The following CSTF3 variants were observed in gnomAD, a reference collection of about 807,000 sequenced individuals.
CSTF3 encodes CF-1 77 kDa subunit.
In CSTF3, 29 loss-of-function variants were observed where a neutral mutation model predicts 105.8. That is an observed-to-expected ratio of 0.27 (90% confidence interval 0.20 to 0.37). CSTF3 has a LOEUF of 0.37. CSTF3 is among the 10% of genes least tolerant of loss of function. The pLI is 1.00. For synonymous variants in CSTF3, 252 were observed against 281.9 expected (o/e 0.89, Z 1.06); for missense variants, 357 against 879.3 (o/e 0.41, Z 7.51).
intron 17 of CSTF3, among the ~76,000 whole-genome samples, chr11:33,090,322 A>T (rs955470233): frequency 6.6e-6 from 1 of 152,220 alleles, no homozygotes; most frequent in Non-Finnish European, 1.5e-5. Flanking sequence ...TGAAACTATT[A>T]AATCCCATTT....
At position 33,085,989 on chromosome 11, in the gene CSTF3, G is replaced by A; in HGVS notation, c.1796C>T (p.Pro599Leu). 1.4e-6 allele frequency: 2 copies of A among 1,476,828 alleles called. No individual in the cohort carries two copies. Among genetic ancestry groups the A allele is most frequent in the Non-Finnish European group, 1.8e-6 (2 of 1,114,870 alleles). 91.5% of individuals were successfully genotyped at this position (1,476,828 alleles called of 1,614,324 possible). A position where few individuals can be genotyped will look rare whatever the true frequency, so the allele number is the denominator to read the frequency against. ...MIPFQPRHLA[P>L]PGLHPVPGGV... ...ACCAGGTACAGGGTGTAAACCTGGA[G>A]CTGTGAGAAAAAGAAAAGTATGAAT... Residue 599 changes from proline (P) to leucine (L), a missense_variant and splice_region_variant, in exon 19 of 21, where the codon CCT (proline) becomes CTT (leucine). Pro to Leu is a moderately conservative substitution (Grantham distance 98). Coordinates refer to ENST00000323959, the MANE Select transcript of CSTF3 (RefSeq NM_001326.3).
At chr11:33,155,279 G>T (rs1391850100) in intron 1 of CSTF3, among the ~76,000 whole-genome samples, 6 of 151,796 alleles carry the variant, frequency 4.0e-5, no homozygotes, top group Non-Finnish European at 1.5e-5. Flanking sequence ...TAGGAGAATA[G>T]CGTGAACCCA....
rs1361424840 is a variant in CSTF3 at position 33,132,632 on chromosome 11, AAC to A, written c.225+9033_225+9034del. Among the ~76,000 whole-genome samples, 134 of 152,332 alleles carry A rather than the reference AAC, an allele frequency of 8.8e-4. 1 individual carries two copies. The highest frequency in any genetic ancestry group is 5.8e-4 in the East Asian group (3 of 5,188). ...CTCAGGAAATTCAAATTTAAAAAGG[AAC>A]CTTTTTGGCAAATATTCCCATGGAT... On this transcript the variant is annotated intron_variant, in intron 3 of 20. Coordinates refer to ENST00000323959, the MANE Select transcript of CSTF3 (RefSeq NM_001326.3).
rs142382207 is a variant in CSTF3 at position 33,145,770 on chromosome 11, C to T, written c.28-3784G>A. Among the ~76,000 whole-genome samples the T allele has an allele frequency of 3.9e-5, 6 of 152,072 alleles. No individual in the cohort carries two copies. The East Asian group carries it at 1.2e-3, about 29-fold the overall frequency. On this transcript the variant is annotated intron_variant, in intron 1 of 20. Coordinates refer to ENST00000323959, the MANE Select transcript of CSTF3 (RefSeq NM_001326.3). ...CAGAGCTTGCAGTGAGCAGAGATGG[C>T]GCCACTGCACTCCAGCCTGCATGAC...
chr11:33,145,535 C>T (rs1855770804), intron 1 of CSTF3, among the ~76,000 whole-genome samples: 2 of 152,168 alleles, frequency 1.3e-5, no homozygotes, highest in African/African-American at 4.8e-5. Context: ...ATTGGCCGGG[C>T]ACGGTGGCTC....
At position 33,105,562 on chromosome 11, in the gene CSTF3, T is replaced by C; in HGVS notation, c.585+5A>G. 6.2e-7 allele frequency: 1 copy of C among 1,604,276 alleles called. No homozygotes were observed. On this transcript the variant is annotated splice_donor_5th_base_variant and intron_variant, in intron 8 of 20. Coordinates refer to ENST00000323959, the MANE Select transcript of CSTF3 (RefSeq NM_001326.3). ...ATAATAAACAACTACTCTGACCTAA[T>C]TTACCTCTTCATACTTGTTATAGTC...
At chr11:33,092,454 C>G in intron 15 of CSTF3, 114 bp from the exon 16 acceptor site, 1 of 589,516 alleles carries the variant, frequency 1.7e-6, no homozygotes. Context: ...AAAGGTTTAA[C>G]TATTATCACA....
chr11:33,123,993 C>T (rs1435880368), intron 3 of CSTF3, among the ~76,000 whole-genome samples: 1 of 151,908 alleles, frequency 6.6e-6, no homozygotes, highest in Non-Finnish European at 1.5e-5. Context: ...AAACACATAT[C>T]TATATTTTCA....
At chr11:33,125,914 T>C (rs1356768617) in intron 3 of CSTF3, among the ~76,000 whole-genome samples, 1 of 152,208 alleles carries the variant, frequency 6.6e-6, no homozygotes, top group Non-Finnish European at 1.5e-5. Context: ...TGCTGTAAGT[T>C]CAATGTTAAT....
chr11:33,147,785 A>G (rs10767992), intron 1 of CSTF3, among the ~76,000 whole-genome samples: 84,506 of 151,928 alleles, frequency 0.56, 26,108 homozygotes, highest in Non-Finnish European at 0.69. Context: ...AGGGGATGGG[A>G]TAGACAAAGA....
intron 4 of CSTF3, 126 bp downstream of exon 4, chr11:33,108,260 T>C: frequency 6.1e-6 from 6 of 977,260 alleles, no homozygotes; most frequent in Non-Finnish European, 8.4e-6. Flanking sequence ...GCTGAATAAG[T>C]ACAATTAACT....
At chr11:33,121,185 C>A (rs1404665370) in intron 3 of CSTF3, among the ~76,000 whole-genome samples, 6 of 151,838 alleles carry the variant, frequency 4.0e-5, no homozygotes, top group Non-Finnish European at 8.8e-5. Context: ...CATAGCTAAC[C>A]AATTAAGAAA....
At chr11:33,158,438 C>T (rs1216760568) in intron 1 of CSTF3, among the ~76,000 whole-genome samples, 1 of 152,160 alleles carries the variant, frequency 6.6e-6, no homozygotes, top group Non-Finnish European at 1.5e-5. Flanking sequence ...AGTAAACAGA[C>T]ACAGACCAAC....
At chr11:33,127,977 A>AT (rs1014588974) in intron 3 of CSTF3, among the ~76,000 whole-genome samples, 1 of 152,194 alleles carries the variant, frequency 6.6e-6, no homozygotes, top group African/African-American at 2.4e-5. Context: ...AAAACTTTCC[A>AT]TTTTTTCATT....
chr11:33,132,400 A>T (rs957622766), intron 3 of CSTF3, among the ~76,000 whole-genome samples: 1 of 152,010 alleles, frequency 6.6e-6, no homozygotes, highest in Admixed American at 6.6e-5. Context: ...AAAAAAAAAA[A>T]GGTATTTTAG....
intron 1 of CSTF3, among the ~76,000 whole-genome samples, chr11:33,142,578 A>T (rs1250679852): frequency 1.3e-5 from 2 of 152,182 alleles, no homozygotes; most frequent in Admixed American, 1.3e-4. Context: ...ACTATAAAAC[A>T]GCAGCTCTCA....
At position 33,084,937 on chromosome 11, in the gene CSTF3, G is replaced by T; in HGVS notation, c.*150C>A. On this transcript the variant is annotated 3_prime_UTR_variant, in exon 21 of 21. Coordinates refer to ENST00000323959, the MANE Select transcript of CSTF3 (RefSeq NM_001326.3). ...TTCTAAAATTCACACAGGTTGGTTTGTTTTTTCTCAAGAACCATGTGATAG... is the reference window on the plus strand; with the variant it reads ...TTCTAAAATTCACACAGGTTGGTTTTTTTTTTCTCAAGAACCATGTGATAG... 2.4e-6 allele frequency: 2 copies of T among 845,670 alleles called. No homozygotes were observed. The highest frequency in any genetic ancestry group is 3.8e-6 in the Non-Finnish European group (2 of 533,140). 52.4% of individuals were successfully genotyped at this position (845,670 alleles called of 1,614,324 possible).
chr11:33,092,678 A>G (rs1855181262), intron 15 of CSTF3, among the ~76,000 whole-genome samples: 1 of 152,240 alleles, frequency 6.6e-6, no homozygotes. Flanking sequence ...AATAATGACA[A>G]GTACATATCT....
Position 33,086,026 on chromosome 11 carries a change from GAAGAAT to G in CSTF3, c.1796-43_1796-38del, listed in dbSNP as rs536921512. On this transcript the variant is annotated intron_variant, in intron 18 of 20. Transcript: ENST00000323959. ...AGAAAAGTATGAATCAAGTGGAATG[GAAGAAT>G]TTCTACACAGAGCTAAAATCAAGTG... is the stretch of plus-strand genomic sequence containing the variant. 28 of 1,314,052 alleles carry G rather than the reference GAAGAAT, an allele frequency of 2.1e-5. No individual in the cohort carries two copies. In the East Asian group the frequency reaches 6.8e-4, roughly 32 times the overall value. The allele number at this position is 1,314,052 out of a possible 1,614,324, so 81.4% of individuals were successfully genotyped here.
Sources: gnomAD v4.1 joint callset for allele counts (sites outside exome capture counted in the v4.1 genomes callset) on GRCh38, gnomAD v4.1.1 for gene constraint, MANE v1.5 for transcripts, NCBI Gene and HGNC (gene_info 2026-07-23, HGNC 2026-07-21) for gene names.